The following CSMD1 variants were observed in gnomAD, a reference collection of about 807,000 sequenced individuals.
CSMD1 encodes CUB and Sushi multiple domains 1.
A neutral mutation model predicts 417.5 loss-of-function variants in CSMD1; 213 were observed. That is an observed-to-expected ratio of 0.51 (90% confidence interval 0.46 to 0.57). The LOEUF (loss-of-function observed/expected upper bound fraction) is 0.57. CSMD1 is among the 20% of genes least tolerant of loss of function. CSMD1 has a pLI of 0.00. For missense variants in CSMD1, 6,923 were observed against 4,529.7 expected (o/e 1.53, Z -15.17); for synonymous variants, 2,862 against 1,736.8 (o/e 1.65, Z -16.11).
intron 2 of CSMD1, among the ~76,000 whole-genome samples, chr8:4,535,607 G>C (rs1178410586): frequency 6.6e-6 from 1 of 152,146 alleles, no homozygotes; most frequent in African/African-American, 2.4e-5. Context: ...TCTCTGTTCT[G>C]TGAAATTATA....
chr8:3,384,215 T>C (rs1810824225), intron 18 of CSMD1, among the ~76,000 whole-genome samples: 1 of 152,124 alleles, frequency 6.6e-6, no homozygotes, highest in African/African-American at 2.4e-5. Flanking sequence ...TAAAAAATGG[T>C]TGTCTGAGAG....
rs1415319892 is a variant in CSMD1 at position 4,467,771 on chromosome 8, C to T, written c.303-47706G>A. On this transcript the variant is annotated intron_variant, in intron 2 of 69. Coordinates refer to ENST00000635120, the MANE Select transcript of CSMD1 (RefSeq NM_033225.6). ...AACAAAATATTTACCGTAGAAAGCACCTTGCATTTACTATTTCTTATATGG... is the reference window on the plus strand; with the variant it reads ...AACAAAATATTTACCGTAGAAAGCATCTTGCATTTACTATTTCTTATATGG... Among the ~76,000 whole-genome samples the T allele has an allele frequency of 4.6e-5, 7 of 152,232 alleles. No homozygotes were observed. In the East Asian group the frequency reaches 1.4e-3, roughly 29 times the overall value.
At chr8:3,716,431 G>A (rs1801836094) in intron 6 of CSMD1, among the ~76,000 whole-genome samples, 1 of 152,162 alleles carries the variant, frequency 6.6e-6, no homozygotes. Context: ...AACAAGGGGT[G>A]GATTATTCAT....
intron 4 of CSMD1, among the ~76,000 whole-genome samples, chr8:4,019,107 A>G (rs542528305): frequency 7.2e-4 from 109 of 152,318 alleles, no homozygotes; most frequent in African/African-American, 2.5e-3. Context: ...TGCTAGATAC[A>G]TATTTTTGTA....
intron 5 of CSMD1, among the ~76,000 whole-genome samples, chr8:3,769,260 A>T (rs1798448954): frequency 6.6e-6 from 1 of 152,210 alleles, no homozygotes; most frequent in South Asian, 2.1e-4. Context: ...TGATTCTTCC[A>T]TATATATCAG....
intron 2 of CSMD1, among the ~76,000 whole-genome samples, chr8:4,587,494 T>C (rs1484771738): frequency 1.3e-5 from 2 of 151,820 alleles, no homozygotes; most frequent in South Asian, 2.1e-4. Flanking sequence ...TACATATATG[T>C]ATATATATAT....
intron 18 of CSMD1, among the ~76,000 whole-genome samples, chr8:3,384,066 T>A (rs2116788830): frequency 6.6e-6 from 1 of 152,172 alleles, no homozygotes; most frequent in Middle Eastern, 3.4e-3. Context: ...GGCGAGGCTG[T>A]GAAAGCGAAG....
intron 5 of CSMD1, among the ~76,000 whole-genome samples, chr8:3,793,825 G>T (rs1195864197): frequency 6.6e-6 from 1 of 152,158 alleles, no homozygotes; most frequent in Non-Finnish European, 1.5e-5. Flanking sequence ...TAAATGTCAG[G>T]ATCTGCATAC....
At chr8:3,876,949 G>C (rs1805864384) in intron 5 of CSMD1, among the ~76,000 whole-genome samples, 1 of 152,168 alleles carries the variant, frequency 6.6e-6, no homozygotes, top group Non-Finnish European at 1.5e-5. Context: ...GATTTATTTA[G>C]AAGCACAAGA....
At chr8:3,749,470 C>G (rs1378268412) in intron 6 of CSMD1, among the ~76,000 whole-genome samples, 2 of 151,856 alleles carry the variant, frequency 1.3e-5, no homozygotes, top group East Asian at 3.9e-4. Flanking sequence ...AGGTGAAAGT[C>G]AAAGAAGAAA....
chr8:3,941,303 T>G (rs573022265), intron 5 of CSMD1, among the ~76,000 whole-genome samples: 1 of 152,278 alleles, frequency 6.6e-6, no homozygotes, highest in East Asian at 1.9e-4. Context: ...TTTAACCAGA[T>G]TCTCTGGAAA....
rs577135181 is a variant in CSMD1 at position 3,620,350 on chromosome 8, C to T, written c.1010-3553G>A. Among the ~76,000 whole-genome samples, 26 of 151,424 alleles carry T rather than the reference C, an allele frequency of 1.7e-4. No homozygotes were observed. In the South Asian group the frequency reaches 5.2e-3, roughly 30 times the overall value. On this transcript the variant is annotated intron_variant, in intron 7 of 69. Coordinates refer to ENST00000635120, the MANE Select transcript of CSMD1 (RefSeq NM_033225.6). ...AAGCCTCATGAAAAGAAAAGGGTCC[C>T]TAGTACAGGTAAATACATGAAAATA...
chr8:3,767,636 C>T (rs750641724), intron 5 of CSMD1, among the ~76,000 whole-genome samples: 33 of 152,114 alleles, frequency 2.2e-4, no homozygotes, highest in African/African-American at 7.0e-4. Context: ...TATATATTCA[C>T]GCAATGCATA....
intron 10 of CSMD1, among the ~76,000 whole-genome samples, chr8:3,508,868 T>C (rs749319035): frequency 1.3e-5 from 2 of 152,138 alleles, no homozygotes; most frequent in African/African-American, 2.4e-5. Context: ...GTGACAAAAG[T>C]GACCAGTTAG....
At chr8:3,989,627 CA>C (rs966116683) in intron 5 of CSMD1, among the ~76,000 whole-genome samples, 5 of 151,504 alleles carry the variant, frequency 3.3e-5, no homozygotes, top group Admixed American at 6.6e-5. Context: ...ATTTATAATT[CA>C]AAAAAAATTA....
chr8:4,917,466 C>G (rs184672442), intron 1 of CSMD1, among the ~76,000 whole-genome samples: 119 of 152,162 alleles, frequency 7.8e-4, no homozygotes, highest in African/African-American at 2.8e-3. Flanking sequence ...AACTCCATCT[C>G]TACTAAAAAT....
chr8:3,190,085 C>G lies in CSMD1; in HGVS notation c.5225G>C (p.Ser1742Thr), dbSNP rs1227549434. The G allele has an allele frequency of 1.3e-6, 2 of 1,593,470 alleles. No individual in the cohort carries two copies. The highest frequency in any genetic ancestry group is 1.7e-6 in the Non-Finnish European group (2 of 1,170,122). Reference sequence around the variant, plus strand: ...TCCGTATCTGGGCTCGGGGACAGAGCTGCATTGGGTGTCACTGGTACGAGG... The same window carrying G: ...TCCGTATCTGGGCTCGGGGACAGAGGTGCATTGGGTGTCACTGGTACGAGG... ...AVPRTSDTQCSSVPEPRYGRR... is the reference protein window; with the variant it reads ...AVPRTSDTQCTSVPEPRYGRR... Residue 1742 changes from serine (S) to threonine (T), a missense_variant, in exon 34 of 70, where the codon AGC becomes ACC. Physicochemically the swap from Ser to Thr is moderately conservative, Grantham distance 58 (BLOSUM62 1). Transcript: ENST00000635120.
At chr8:4,852,016 A>G (rs932287547) in intron 1 of CSMD1, among the ~76,000 whole-genome samples, 2 of 152,140 alleles carry the variant, frequency 1.3e-5, no homozygotes, top group Admixed American at 1.3e-4. Context: ...ATCTGTCACT[A>G]AGGTCTAACC....
intron 5 of CSMD1, among the ~76,000 whole-genome samples, chr8:3,765,526 T>A (rs1455824681): frequency 1.3e-5 from 2 of 152,232 alleles, no homozygotes; most frequent in Non-Finnish European, 2.9e-5. Context: ...TCAGACATCT[T>A]CCTCTTCTTT....
Sources: gnomAD v4.1 joint callset for allele counts (sites outside exome capture counted in the v4.1 genomes callset) on GRCh38, gnomAD v4.1.1 for gene constraint, MANE v1.5 for transcripts, NCBI Gene and HGNC (gene_info 2026-07-23, HGNC 2026-07-21) for gene names.